ATAD2: variants seen among roughly 807,000 people sequenced by gnomAD.
ATAD2 encodes ATPase family AAA domain containing 2, also known as ATPase family AAA domain-containing protein 2.
ATAD2 carries 62 observed loss-of-function variants against 168.9 expected under a neutral mutation model. The observed-to-expected ratio is 0.37, with a 90% CI of 0.30 to 0.45. The LOEUF is 0.45. Ranked by LOEUF, ATAD2 falls within the 20% of genes least tolerant of loss-of-function variation. The pLI is 1.00. For missense variants in ATAD2, 1,419 were observed against 1,667.8 expected (o/e 0.85, Z 2.60); for synonymous variants, 613 against 571.6 (o/e 1.07, Z -1.03).
intron 1 of ATAD2, among the ~76,000 whole-genome samples, chr8:123,413,236 C>G (rs980699033): frequency 2.7e-4 from 27 of 99,846 alleles, no homozygotes; most frequent in Non-Finnish European, 3.6e-4. Context: ...CCCCCCCCCC[C>G]CAACTCCTCC....
intron 1 of ATAD2, among the ~76,000 whole-genome samples, chr8:123,405,407 C>G (rs1163872070): frequency 2.1e-5 from 3 of 144,136 alleles, no homozygotes; most frequent in African/African-American, 7.8e-5. Flanking sequence ...CAGGCAAGCA[C>G]CATGAAGCCT....
upstream of ATAD2, among the ~76,000 whole-genome samples, chr8:123,399,256 G>A (rs1404507315): frequency 2.1e-5 from 3 of 142,390 alleles, no homozygotes; most frequent in African/African-American, 7.7e-5. Flanking sequence ...GCAAGACTCC[G>A]TCTCAAAAAA....
At chr8:123,325,819 G>T in intron 26 of ATAD2, 74 bp downstream of exon 26, 1 of 1,537,508 alleles carries the variant, frequency 6.5e-7, no homozygotes, top group Non-Finnish European at 8.9e-7. Flanking sequence ...TAGCCAGAAT[G>T]CTACTAGTCA....
At position 123,325,505 on chromosome 8, in the gene ATAD2, C is replaced by G. The variant is rs544277979; in HGVS notation, c.4002+388G>C. Among the ~76,000 whole-genome samples the G allele has an allele frequency of 2.0e-5, 3 of 152,200 alleles. No homozygotes were observed. The South Asian group carries it at 6.2e-4, about 32-fold the overall frequency. On this transcript the variant is annotated intron_variant, in intron 26 of 27. Coordinates refer to ENST00000287394, the MANE Select transcript of ATAD2 (RefSeq NM_014109.4). ...GTTTCACCGTGTTAGCCAGGATGGT[C>G]TCAATCTCCTGACCTCGTGATCCGC...
At chr8:123,385,556 CAATT>C (rs1238865473) in intron 1 of ATAD2, among the ~76,000 whole-genome samples, 2 of 151,926 alleles carry the variant, frequency 1.3e-5, no homozygotes, top group African/African-American at 4.8e-5. Context: ...AACTAAAAAA[CAATT>C]TAGGAACTCT....
At chr8:123,384,174 T>C (rs1466849589) in intron 1 of ATAD2, among the ~76,000 whole-genome samples, 3 of 152,092 alleles carry the variant, frequency 2.0e-5, no homozygotes, top group Non-Finnish European at 4.4e-5. Flanking sequence ...TTCTCTGCTT[T>C]CAATAAAATT....
At chr8:123,321,751 T>C (rs1020366949) in intron 27 of ATAD2, among the ~76,000 whole-genome samples, 7 of 151,878 alleles carry the variant, frequency 4.6e-5, no homozygotes, top group Non-Finnish European at 8.8e-5. Flanking sequence ...CTAGGCAACA[T>C]AGCAAAACCT....
At chr8:123,396,090 T>G (rs1812810863) in intron 1 of ATAD2, 97 bp downstream of exon 1, 1 of 1,341,200 alleles carries the variant, frequency 7.5e-7, no homozygotes, top group African/African-American at 1.5e-5. Flanking sequence ...ACTGTCACCC[T>G]GACCGGCGCC....
chr8:123,380,627 T>C lies in ATAD2; in HGVS notation c.222A>G (p.Leu74=). The C allele has an allele frequency of 6.2e-7, 1 of 1,614,132 alleles. No homozygotes were observed. The highest frequency in any genetic ancestry group is 8.5e-7 in the Non-Finnish European group (1 of 1,179,990). Residue 74 remains leucine, a synonymous_variant, in exon 2 of 28, where the codon TTA becomes TTG. Coordinates refer to ENST00000287394, the MANE Select transcript of ATAD2 (RefSeq NM_014109.4). The part of the protein sequence containing the change: ...EVETYHRTRA[L]RSLRKDAQNS... The stretch of plus-strand genomic sequence containing the variant: ...TCTGTGCATCTTTTCTCAAAGATCT[T>C]AAAGCACGTGTCCGGTGGTAGGTTT...
intron 1 of ATAD2, among the ~76,000 whole-genome samples, chr8:123,393,235 G>A (rs556166517): frequency 2.6e-4 from 40 of 151,994 alleles, no homozygotes; most frequent in African/African-American, 9.7e-4. Flanking sequence ...TATTGGTGGG[G>A]CGTGGTGGTT....
chr8:123,372,414 G>T (rs1484897989), intron 3 of ATAD2, among the ~76,000 whole-genome samples: 1 of 152,164 alleles, frequency 6.6e-6, no homozygotes, highest in Non-Finnish European at 1.5e-5. Flanking sequence ...AGAGAAGCTA[G>T]AAGAGCCAGG....
chr8:123,330,985 C>T lies in ATAD2; in HGVS notation c.3479-2406G>A, dbSNP rs539149735. Among the ~76,000 whole-genome samples, 13 of 152,294 alleles carry T rather than the reference C, an allele frequency of 8.5e-5. No individual in the cohort carries two copies. The South Asian group carries it at 1.0e-3, about 12-fold the overall frequency. On this transcript the variant is annotated intron_variant, in intron 24 of 27. Transcript: ENST00000287394. ...CTGCCCAGGCTGGAAGGCAGTGGCA[C>T]GATCTTGGCTCACTGCAACCTCTGC...
intron 1 of ATAD2, among the ~76,000 whole-genome samples, chr8:123,413,666 A>T (rs1183073454): frequency 1.3e-5 from 2 of 152,146 alleles, no homozygotes; most frequent in Non-Finnish European, 2.9e-5. Context: ...CTCATGGCAG[A>T]GGTAGAGACA....
At chr8:123,409,456 A>G (rs965026785) in intron 1 of ATAD2, among the ~76,000 whole-genome samples, 1 of 152,164 alleles carries the variant, frequency 6.6e-6, no homozygotes, top group Non-Finnish European at 1.5e-5. Context: ...GCAAATTAGA[A>G]TAACAGTGGG....
intron 1 of ATAD2, among the ~76,000 whole-genome samples, chr8:123,389,375 C>T (rs1385811771): frequency 1.4e-5 from 2 of 147,224 alleles, no homozygotes; most frequent in South Asian, 4.4e-4. Flanking sequence ...CGTGGTGGCT[C>T]ACATCTGTAA....
chr8:123,361,827 A>G (rs1039478125), intron 8 of ATAD2, among the ~76,000 whole-genome samples, 181 bp from the exon 9 acceptor site: 1 of 152,194 alleles, frequency 6.6e-6, no homozygotes, highest in African/African-American at 2.4e-5. Flanking sequence ...GACTTAAACA[A>G]CTGAGAGGAA....
rs1052007797 is a variant in ATAD2, at chr8:123,361,524, C to G, written c.1157+15G>C. On this transcript the variant is annotated intron_variant, in intron 9 of 27. Transcript: ENST00000287394. ...TGTGTCTGCTAGTTTAAAAAGGCAT[C>G]AATATGGCACTTACCTATTGATAGC... is the stretch of plus-strand genomic sequence containing the variant. 6.3e-7 allele frequency: 1 copy of G among 1,584,194 alleles called. No individual in the cohort carries two copies. The highest frequency in any genetic ancestry group is 1.7e-5 in the Admixed American group (1 of 59,276).
chr8:123,330,285 T>C (rs1827742016), intron 24 of ATAD2, among the ~76,000 whole-genome samples: 1 of 152,070 alleles, frequency 6.6e-6, no homozygotes, highest in Non-Finnish European at 1.5e-5. Context: ...CCATAGTGCC[T>C]GGCCTCTGTC....
upstream of ATAD2, chr8:123,396,482 G>C (rs1024481560): frequency 6.5e-6 from 7 of 1,085,220 alleles, no homozygotes; most frequent in Admixed American, 2.1e-4. Context: ...GCCGCAGCGC[G>C]CGCGCCCAGA....
Sources: gnomAD v4.1 joint callset for allele counts (sites outside exome capture counted in the v4.1 genomes callset) on GRCh38, gnomAD v4.1.1 for gene constraint, MANE v1.5 for transcripts, NCBI Gene and HGNC (gene_info 2026-07-23, HGNC 2026-07-21) for gene names.